RXFP1: variants seen among roughly 807,000 people sequenced by gnomAD.
The protein encoded by RXFP1 is relaxin family peptide receptor 1.
RXFP1 carries 73 observed loss-of-function variants against 89.8 expected under a neutral mutation model. The ratio of observed to expected loss-of-function variants is 0.81; its 90% confidence interval spans 0.67 to 0.99. The LOEUF is 0.99. Among genes scored for constraint, RXFP1 ranks in the 50% least tolerant of loss-of-function variants. The pLI, the probability that RXFP1 is intolerant of heterozygous loss-of-function variation, is 0.00. For missense variants in RXFP1, 793 were observed against 895.5 expected, an observed-to-expected ratio of 0.89 and a Z score of 1.46; for synonymous variants, 277 against 305.5, an observed-to-expected ratio of 0.91 and a Z score of 0.97.
intron 2 of RXFP1, among the ~76,000 whole-genome samples, chr4:158,574,571 C>T (rs191974008): frequency 6.6e-6 from 1 of 152,292 alleles, no homozygotes; most frequent in Admixed American, 6.5e-5. Context: ...CTGGAAACCC[C>T]GTTGTAATAA....
intron 4 of RXFP1, among the ~76,000 whole-genome samples, chr4:158,603,922 TA>T (rs1424852869): frequency 6.1e-5 from 9 of 148,230 alleles, no homozygotes; most frequent in African/African-American, 2.0e-4. Context: ...ATAATAATAA[TA>T]ATAATACAGA....
chr4:158,580,859 G>A (rs765402174), intron 2 of RXFP1, among the ~76,000 whole-genome samples: 56 of 152,074 alleles, frequency 3.7e-4, no homozygotes, highest in African/African-American at 7.7e-4. Flanking sequence ...GTGCAATGGC[G>A]CGATCTCAGC....
At position 158,567,535 on chromosome 4, in the gene RXFP1, G is replaced by A. The variant is rs564250362; in HGVS notation, c.50-5163G>A. ...CACTCCATATCTAGTTAATCTGGTG[G>A]GGACTTGGAGAACCTTTATGTCTAG... On this transcript the variant is annotated intron_variant, in intron 1 of 17. Transcript: ENST00000307765. Among the ~76,000 whole-genome samples the A allele has an allele frequency of 9.7e-4, 147 of 152,164 alleles. 1 individual carries two copies. The highest frequency in any genetic ancestry group is 3.4e-3 in the Middle Eastern group (1 of 294).
intron 1 of RXFP1, among the ~76,000 whole-genome samples, chr4:158,549,227 T>C (rs1749417451): frequency 6.6e-6 from 1 of 152,140 alleles, no homozygotes; most frequent in Non-Finnish European, 1.5e-5. Flanking sequence ...ATACCCTTTC[T>C]TCCAGTTGAT....
chr4:158,626,111 T>TACAG (rs1766658287), intron 9 of RXFP1, among the ~76,000 whole-genome samples: 1 of 136,594 alleles, frequency 7.3e-6, no homozygotes, highest in East Asian at 2.2e-4. Flanking sequence ...TAGATATCTA[T>TACAG]ATAGATAGAT....
At chr4:158,597,010 A>G (rs1426491432) in intron 3 of RXFP1, among the ~76,000 whole-genome samples, 1 of 152,208 alleles carries the variant, frequency 6.6e-6, no homozygotes, top group Non-Finnish European at 1.5e-5. Context: ...AGTACTTAAC[A>G]AAAACAAATA....
intron 2 of RXFP1, among the ~76,000 whole-genome samples, chr4:158,574,925 A>T (rs1431365781): frequency 6.6e-6 from 1 of 152,184 alleles, no homozygotes; most frequent in African/African-American, 2.4e-5. Context: ...ATAAATTAAT[A>T]TTACATAATT....
At chr4:158,619,087 TCACACA>T (rs146359018) in intron 9 of RXFP1, among the ~76,000 whole-genome samples, 1 of 149,436 alleles carries the variant, frequency 6.7e-6, no homozygotes, top group Non-Finnish European at 1.5e-5. Context: ...TAAAATGTGA[TCACACA>T]CACACACACA....
At chr4:158,599,996 A>T (rs970579165) in intron 4 of RXFP1, among the ~76,000 whole-genome samples, 2 of 152,234 alleles carry the variant, frequency 1.3e-5, no homozygotes, top group Admixed American at 6.5e-5. Context: ...TATCACCATA[A>T]GTGGTTTGTT....
chr4:158,552,617 A>G (rs1005325810), intron 1 of RXFP1, among the ~76,000 whole-genome samples: 1 of 152,254 alleles, frequency 6.6e-6, no homozygotes, highest in Admixed American at 6.5e-5. Flanking sequence ...TGGCCACAGC[A>G]GGTTCAAGTT....
chr4:158,599,094 T>C, intron 3 of RXFP1: 1 of 518,796 alleles, frequency 1.9e-6, no homozygotes, highest in Non-Finnish European at 3.3e-6. Context: ...TTTAAAAAAA[T>C]ACATGAGCTA....
intron 2 of RXFP1, among the ~76,000 whole-genome samples, chr4:158,573,965 A>G (rs180828207): frequency 5.1e-4 from 78 of 152,346 alleles, no homozygotes; most frequent in African/African-American, 1.9e-3. Flanking sequence ...ATGTAAATAC[A>G]ACTTACTTCC....
intron 2 of RXFP1, among the ~76,000 whole-genome samples, chr4:158,575,831 G>A (rs1006893888): frequency 6.6e-6 from 1 of 152,184 alleles, no homozygotes; most frequent in Admixed American, 6.5e-5. Context: ...GTTACCTAGT[G>A]TTATCAGTTA....
At chr4:158,536,529 C>A (rs1745315684) in intron 1 of RXFP1, among the ~76,000 whole-genome samples, 1 of 152,108 alleles carries the variant, frequency 6.6e-6, no homozygotes, top group Non-Finnish European at 1.5e-5. Flanking sequence ...ATAGCTTGCT[C>A]AGAACATCTT....
Position 158,648,536 on chromosome 4 carries a change from C to T in RXFP1, c.1794C>T (p.Ser598=), listed in dbSNP as rs372920534. The T allele has an allele frequency of 1.2e-6, 2 of 1,607,448 alleles. No individual in the cohort carries two copies. The highest frequency in any genetic ancestry group is 1.7e-6 in the Non-Finnish European group (2 of 1,177,228). The change falls in exon 17 of 18, where the codon TCC becomes TCT. Residue 598 remains serine, a synonymous_variant. Transcript: ENST00000307765. ...CCGCATTTATCATCATAGTTTTTTC[C>T]TATGGAAGCATGTTTTATAGTGTTC... The part of the protein sequence containing the change: ...NLAAFIIIVF[S]YGSMFYSVHQ...
intron 1 of RXFP1, among the ~76,000 whole-genome samples, chr4:158,548,943 C>G (rs1015634776): frequency 6.6e-6 from 1 of 151,804 alleles, no homozygotes; most frequent in African/African-American, 2.4e-5. Flanking sequence ...AGTTGCTCTT[C>G]TCGAGGAGTA....
At chr4:158,619,146 T>G (rs947488568) in intron 9 of RXFP1, among the ~76,000 whole-genome samples, 79 of 152,182 alleles carry the variant, frequency 5.2e-4, no homozygotes, top group African/African-American at 1.9e-3. Context: ...TTATCAATAC[T>G]TCAATCAACA....
chr4:158,545,735 G>A (rs188012953), intron 1 of RXFP1, among the ~76,000 whole-genome samples: 1 of 152,144 alleles, frequency 6.6e-6, no homozygotes, highest in Non-Finnish European at 1.5e-5. Context: ...GTTTTTGTCA[G>A]GTTTGTCAAA....
At chr4:158,544,821 C>G (rs1747819447) in intron 1 of RXFP1, among the ~76,000 whole-genome samples, 1 of 152,172 alleles carries the variant, frequency 6.6e-6, no homozygotes, top group Non-Finnish European at 1.5e-5. Context: ...TGTATATGTG[C>G]CACATTTTCT....
Sources: gnomAD v4.1 joint callset for allele counts (sites outside exome capture counted in the v4.1 genomes callset) on GRCh38, gnomAD v4.1.1 for gene constraint, MANE v1.5 for transcripts, NCBI Gene and HGNC (gene_info 2026-07-23, HGNC 2026-07-21) for gene names.